The following RIMBP2 variants were observed in gnomAD, a reference collection of about 807,000 sequenced individuals.
RIMBP2 encodes the protein RIMS binding protein 2.
Under a neutral mutation model 118.6 loss-of-function variants are expected in RIMBP2, and 48 were observed. That is an observed-to-expected ratio of 0.40 (90% confidence interval 0.32 to 0.51). RIMBP2 has a LOEUF of 0.51. RIMBP2 is among the 20% of genes least tolerant of loss of function. RIMBP2 has a pLI of 0.41. For missense variants in RIMBP2, 1,551 were observed against 1,768.3 expected (o/e 0.88, Z 2.20); for synonymous variants, 762 against 742.9 (o/e 1.03, Z -0.42).
intron 2 of RIMBP2, among the ~76,000 whole-genome samples, chr12:130,624,348 A>C (rs928894690): frequency 3.5e-4 from 54 of 152,382 alleles, no homozygotes; most frequent in African/African-American, 1.1e-3. Flanking sequence ...TAAATTTAGT[A>C]TGTAAGTAAT....
At chr12:130,606,410 G>C (rs1231164592) in intron 2 of RIMBP2, among the ~76,000 whole-genome samples, 1 of 152,334 alleles carries the variant, frequency 6.6e-6, no homozygotes, top group African/African-American at 2.4e-5. Flanking sequence ...AGCGTGACGC[G>C]TGGGCAGGGA....
At chr12:130,697,166 A>C (rs2065613955) in intron 1 of RIMBP2, among the ~76,000 whole-genome samples, 1 of 152,246 alleles carries the variant, frequency 6.6e-6, no homozygotes, top group South Asian at 2.1e-4. Context: ...AGGAGACACA[A>C]TACCGGACGA....
In RIMBP2 at chr12:130,428,200, G is replaced by A; in HGVS notation, c.2391C>T (p.Gly797=). 1.2e-6 allele frequency: 2 copies of A among 1,611,924 alleles called. No homozygotes were observed. The highest frequency in any genetic ancestry group is 1.7e-6 in the Non-Finnish European group (2 of 1,179,064). The change falls in exon 15 of 23, where the codon GGC becomes GGT. Residue 797 remains glycine (G), a synonymous_variant. Transcript: ENST00000690449. ...LEDGGRRRPS[G]TSHNALKDCT... is the part of the protein sequence containing the mutation. The stretch of plus-strand genomic sequence containing the variant: ...TCACCTTGAGGGCATTGTGGGACGT[G>A]CCGCTGGGCCGCCTCCTTCCCCCAT...
intron 22 of RIMBP2, chr12:130,398,864 C>T (rs567974032): frequency 1.7e-5 from 4 of 239,472 alleles, no homozygotes; most frequent in Admixed American, 1.6e-4. Flanking sequence ...CAATGTTGGC[C>T]TTTCAAATAT....
intron 2 of RIMBP2, among the ~76,000 whole-genome samples, chr12:130,599,352 T>C (rs1032088739): frequency 1.3e-5 from 2 of 152,142 alleles, no homozygotes; most frequent in Non-Finnish European, 2.9e-5. Flanking sequence ...GAGAAGACAT[T>C]TGCAACTAAT....
intron 6 of RIMBP2, chr12:130,465,720 T>A (rs2080407210): frequency 2.0e-5 from 3 of 152,216 alleles, no homozygotes; most frequent in Admixed American, 6.5e-5. Flanking sequence ...GTAAAGCGAC[T>A]TCCTGCATTC....
rs750953893 is a variant in RIMBP2, at chr12:130,407,847, G to A, written c.3590-18C>T. On this transcript the variant is annotated intron_variant, in intron 19 of 22. Transcript: ENST00000690449. ...GCTTCTCTCTGTTCAGATCACAAGG[G>A]GGAAAGAAATCCATCATGAGGTTAT... The A allele has an allele frequency of 1.9e-6, 3 of 1,603,290 alleles. No homozygotes were observed. The highest frequency in any genetic ancestry group is 2.6e-6 in the Non-Finnish European group (3 of 1,170,240).
rs1035882661 is a variant in RIMBP2, at chr12:130,631,543, T to C, written c.-351-3087A>G. On this transcript the variant is annotated intron_variant, in intron 1 of 22. Transcript: ENST00000690449. ...GAGGCCAGTAGCACACACGTTTCCC[T>C]GAATCATGACAAACAGAAGTGTCTC... Among the ~76,000 whole-genome samples, 77 of 152,066 alleles carry C rather than the reference T, an allele frequency of 5.1e-4. 1 individual carries two copies. The highest frequency in any genetic ancestry group is 1.8e-3 in the African/African-American group (75 of 41,410).
chr12:130,486,200 C>A (rs776663994), intron 4 of RIMBP2, among the ~76,000 whole-genome samples: 60 of 152,152 alleles, frequency 3.9e-4, no homozygotes, highest in Non-Finnish European at 7.4e-4. Flanking sequence ...GCAGCCCGAA[C>A]CCATGGCCAC....
chr12:130,573,830 C>T (rs1003206019), intron 2 of RIMBP2, among the ~76,000 whole-genome samples: 1 of 152,130 alleles, frequency 6.6e-6, no homozygotes, highest in Non-Finnish European at 1.5e-5. Context: ...AGGCCTGGAG[C>T]ATGGCTGTCC....
Position 130,593,611 on chromosome 12 carries a change from T to C in RIMBP2, c.-217+34711A>G, listed in dbSNP as rs117712934. ...CGACGTGAGTTGGGCAGCTCTGTTC[T>C]TGCAGGAGCCATTCCACGTCATGCA... On this transcript the variant is annotated intron_variant, in intron 2 of 22. Transcript: ENST00000690449. Among the ~76,000 whole-genome samples, 225 of 152,332 alleles carry C rather than the reference T, an allele frequency of 1.5e-3. 4 individuals carry two copies. In the East Asian group the frequency reaches 0.032, roughly 22 times the overall value.
intron 7 of RIMBP2, 147 bp from the exon 8 acceptor site, chr12:130,451,487 C>T: frequency 1.1e-6 from 1 of 894,602 alleles, no homozygotes. Context: ...TCCTGCTCGC[C>T]ATCTATGTAG....
At chr12:130,649,429 G>A (rs918113025) in intron 1 of RIMBP2, among the ~76,000 whole-genome samples, 3 of 152,214 alleles carry the variant, frequency 2.0e-5, no homozygotes, top group Non-Finnish European at 2.9e-5. Context: ...GAAGGGCGGC[G>A]CCTTCCCCCG....
At chr12:130,421,563 G>A (rs924722186) in intron 17 of RIMBP2, among the ~76,000 whole-genome samples, 1 of 152,144 alleles carries the variant, frequency 6.6e-6, no homozygotes, top group Non-Finnish European at 1.5e-5. Flanking sequence ...CTATTTCAAC[G>A]AGATTCCAGG....
intron 2 of RIMBP2, among the ~76,000 whole-genome samples, chr12:130,584,558 C>T (rs1411777554): frequency 2.0e-5 from 3 of 152,076 alleles, no homozygotes; most frequent in African/African-American, 7.2e-5. Context: ...CACATCACCA[C>T]CATCACCTCA....
chr12:130,554,637 G>A (rs1296889644), intron 2 of RIMBP2, among the ~76,000 whole-genome samples: 1 of 152,076 alleles, frequency 6.6e-6, no homozygotes, highest in Admixed American at 6.5e-5. Context: ...ATTCACTTAC[G>A]TGCTGCTCTA....
intron 1 of RIMBP2, among the ~76,000 whole-genome samples, chr12:130,697,886 T>C (rs761549315): frequency 6.6e-6 from 1 of 152,166 alleles, no homozygotes; most frequent in Non-Finnish European, 1.5e-5. Context: ...GTGAGCTCCA[T>C]TTGGGATGCA....
intron 4 of RIMBP2, among the ~76,000 whole-genome samples, chr12:130,493,228 G>T (rs141812920): frequency 1.3e-5 from 2 of 152,302 alleles, no homozygotes; most frequent in East Asian, 1.9e-4. Flanking sequence ...TCTGCCACTC[G>T]ATTTGGCTTC....
rs2076637502 is a variant in RIMBP2, at chr12:130,424,481, C to T, written c.2790G>A (p.Ser930=). 1.8e-5 allele frequency: 22 copies of T among 1,232,132 alleles called. No homozygotes were observed. The highest frequency in any genetic ancestry group is 3.1e-4 in the Middle Eastern group (1 of 3,208). The allele number at this position is 1,232,132 out of a possible 1,614,324, so 76.3% of individuals were successfully genotyped here. ...GLDCGSEEDE[S]RFGFGNTVAA... ...CCACGGTGTTTCCGAAGCCAAACCG[C>T]GACTCGTCCTCTTCACTCCCACAGT... Residue 930 remains serine, a synonymous_variant, in exon 16 of 23, where the codon TCG becomes TCA. Coordinates refer to ENST00000690449, the MANE Select transcript of RIMBP2 (RefSeq NM_001393629.1). The surrounding 1 kb of genome is among the most constrained non-coding windows in gnomAD (Gnocchi z 9.8).
Sources: gnomAD v4.1 joint callset for allele counts (sites outside exome capture counted in the v4.1 genomes callset) on GRCh38, gnomAD v4.1.1 for gene constraint, Gnocchi (gnomAD v3.1) non-coding constraint, MANE v1.5 for transcripts, NCBI Gene and HGNC (gene_info 2026-07-23, HGNC 2026-07-21) for gene names.